The following EPHA5 variants were observed in gnomAD, a reference collection of about 807,000 sequenced individuals.
EPHA5 encodes the protein ephrin type-A receptor 5.
Under a neutral mutation model 105.0 loss-of-function variants are expected in EPHA5, and 60 were observed. The observed-to-expected ratio is 0.57, with a 90% CI of 0.46 to 0.71. The LOEUF (loss-of-function observed/expected upper bound fraction) is 0.71, where lower values mean the gene tolerates loss of function less well. Among genes scored for constraint, EPHA5 ranks in the 30% least tolerant of loss-of-function variants. EPHA5 has a pLI of 0.00. For synonymous variants in EPHA5, 513 were observed against 449.1 expected, an observed-to-expected ratio of 1.14 and a Z score of -1.80; for missense variants, 1,218 against 1,274.7, an observed-to-expected ratio of 0.96 and a Z score of 0.68.
intron 5 of EPHA5, among the ~76,000 whole-genome samples, chr4:65,480,900 A>G (rs1383893166): frequency 1.3e-5 from 2 of 149,320 alleles, no homozygotes; most frequent in Non-Finnish European, 3.0e-5. Flanking sequence ...TTCCCAGGAG[A>G]GGAGTGTTGT....
chr4:65,483,111 T>C (rs1288372351), intron 5 of EPHA5, among the ~76,000 whole-genome samples: 1 of 152,102 alleles, frequency 6.6e-6, no homozygotes, highest in South Asian at 2.1e-4. Context: ...ACATGTGGTG[T>C]TTGGTTTTCT....
At chr4:65,599,697 C>T (rs1386617298) in intron 3 of EPHA5, among the ~76,000 whole-genome samples, 1 of 152,096 alleles carries the variant, frequency 6.6e-6, no homozygotes, top group Non-Finnish European at 1.5e-5. Flanking sequence ...TGAATTAAGA[C>T]AGAGTCCAGT....
chr4:65,602,119 C>T lies in EPHA5; in HGVS notation c.432G>A (p.Leu144=), dbSNP rs780004869. Residue 144 remains leucine (L), a synonymous_variant, in exon 3 of 17, where the codon CTG becomes CTA. Coordinates refer to ENST00000613740, the MANE Select transcript of EPHA5 (RefSeq NM_001281766.3). ...LRDCNSLPGG[L]GTCKETFNMY... is the part of the protein sequence containing the mutation. ...TATTAAAGGTTTCCTTACAGGTCCC[C>T]AGTCCTCCAGGAAGGCTGTTGCAGT... The T allele has an allele frequency of 1.3e-5, 21 of 1,614,116 alleles. No individual in the cohort carries two copies. Among genetic ancestry groups the T allele is most frequent in the Non-Finnish European group, 1.8e-5 (21 of 1,180,010 alleles).
chr4:65,412,136 G>C (rs1722970497), intron 7 of EPHA5, among the ~76,000 whole-genome samples: 1 of 152,144 alleles, frequency 6.6e-6, no homozygotes, highest in African/African-American at 2.4e-5. Context: ...GCTGAGTCAG[G>C]AGAATCGCTT....
chr4:65,653,754 T>C (rs1037411371), intron 1 of EPHA5, among the ~76,000 whole-genome samples: 1 of 152,060 alleles, frequency 6.6e-6, no homozygotes, highest in Non-Finnish European at 1.5e-5. Context: ...TAATGTAAAA[T>C]AAAAGAAATA....
rs920876654 is a variant in EPHA5 at position 65,365,182 on chromosome 4, T to C, written c.2008A>G (p.Ser670Gly). The change falls in exon 11 of 17, where the codon AGT becomes GGT. Residue 670 changes from serine to glycine, a missense_variant. Around this residue, in one of 3 missense-constraint regions of EPHA5, gnomAD observed 971 missense variants for 1,013.5 expected, o/e 0.96. Coordinates refer to ENST00000613740, the MANE Select transcript of EPHA5 (RefSeq NM_001281766.3). The stretch of plus-strand genomic sequence containing the variant: ...TTTCCTGGTAGTTTCAAACGTCCAC[T>C]ACAAACTTCACCAAATTCACCTTGT... ...IGAGEFGEVC[S>G]GRLKLPGKRE... 6.2e-7 allele frequency: 1 copy of C among 1,609,708 alleles called. No individual in the cohort carries two copies. The highest frequency in any genetic ancestry group is 8.5e-7 in the Non-Finnish European group (1 of 1,177,562).
intron 14 of EPHA5, 41 bp downstream of exon 14, chr4:65,348,013 C>T (rs2148841132): frequency 6.6e-7 from 1 of 1,512,612 alleles, no homozygotes; most frequent in Non-Finnish European, 8.9e-7. Context: ...GAGAACAAAG[C>T]ATTTCATTGT....
intron 6 of EPHA5, among the ~76,000 whole-genome samples, chr4:65,420,099 A>G (rs1349646349): frequency 6.6e-6 from 1 of 152,110 alleles, no homozygotes; most frequent in African/African-American, 2.4e-5. Context: ...ATAAGCACAC[A>G]TTTCTCTGTT....
At chr4:65,650,404 A>T (rs943481772) in intron 1 of EPHA5, among the ~76,000 whole-genome samples, 3 of 151,460 alleles carry the variant, frequency 2.0e-5, no homozygotes, top group Admixed American at 6.6e-5. Context: ...AAAAAAAAAA[A>T]AAAAATTAAC....
chr4:65,587,680 T>C (rs1360359715), intron 3 of EPHA5, among the ~76,000 whole-genome samples: 1 of 152,186 alleles, frequency 6.6e-6, no homozygotes, highest in East Asian at 1.9e-4. Flanking sequence ...CTCTACTGTC[T>C]AGGGTAAGAG....
chr4:65,572,070 T>C (rs953796828), intron 3 of EPHA5, among the ~76,000 whole-genome samples: 4 of 152,088 alleles, frequency 2.6e-5, no homozygotes, highest in African/African-American at 9.6e-5. Context: ...ATGAAGGGGT[T>C]AAGATATTCT....
At chr4:65,635,657 A>C (rs1348384847) in intron 2 of EPHA5, among the ~76,000 whole-genome samples, 1 of 152,174 alleles carries the variant, frequency 6.6e-6, no homozygotes, top group East Asian at 1.9e-4. Flanking sequence ...TGTTCTAAGC[A>C]AACACCAAAC....
intron 1 of EPHA5, among the ~76,000 whole-genome samples, chr4:65,665,508 T>C: frequency 6.6e-6 from 1 of 152,118 alleles, no homozygotes; most frequent in South Asian, 2.1e-4. Context: ...AGCATAATAA[T>C]ATCAATATGT....
chr4:65,348,252 C>A, intron 13 of EPHA5, 49 bp from the exon 14 acceptor site: 1 of 1,547,676 alleles, frequency 6.5e-7, no homozygotes, highest in South Asian at 1.2e-5. Context: ...TCAAATGTGC[C>A]TAGGGACAGT....
chr4:65,329,955 C>A (rs1044591010), intron 16 of EPHA5, among the ~76,000 whole-genome samples: 2 of 150,996 alleles, frequency 1.3e-5, no homozygotes, highest in Non-Finnish European at 3.0e-5. Flanking sequence ...AAAATGTAGT[C>A]GAAAGCACAG....
chr4:65,357,858 G>A (rs1158040205), intron 11 of EPHA5, among the ~76,000 whole-genome samples: 3 of 151,258 alleles, frequency 2.0e-5, no homozygotes, highest in Non-Finnish European at 4.4e-5. Flanking sequence ...AAAAAAATGA[G>A]TTTTTTTAAC....
At chr4:65,587,104 A>G (rs1742195657) in intron 3 of EPHA5, among the ~76,000 whole-genome samples, 1 of 152,054 alleles carries the variant, frequency 6.6e-6, no homozygotes, top group East Asian at 1.9e-4. Context: ...TGACATGAAA[A>G]CACTTCAAAC....
At chr4:65,421,633 G>A (rs1040237249) in intron 5 of EPHA5, among the ~76,000 whole-genome samples, 2 of 151,940 alleles carry the variant, frequency 1.3e-5, no homozygotes, top group Non-Finnish European at 2.9e-5. Context: ...CATTTTTTTA[G>A]ATTTACTTAT....
At chr4:65,622,117 C>T (rs1002542271) in intron 2 of EPHA5, among the ~76,000 whole-genome samples, 1 of 152,038 alleles carries the variant, frequency 6.6e-6, no homozygotes, top group Non-Finnish European at 1.5e-5. Flanking sequence ...ACATTACTCC[C>T]GTGTAACTAT....
Sources: allele counts gnomAD v4.1 joint callset (sites outside exome capture counted in the v4.1 genomes callset), GRCh38; gene constraint gnomAD v4.1.1; regional missense constraint gnomAD v4.1.1; transcripts MANE v1.5; gene names NCBI Gene and HGNC (gene_info 2026-07-23, HGNC 2026-07-21).